The following SIPA1L1 variants were observed in gnomAD, a reference collection of about 807,000 sequenced individuals.
SIPA1L1 encodes signal-induced proliferation-associated 1-like protein 1.
SIPA1L1 carries 26 observed loss-of-function variants against 162.7 expected under a neutral mutation model. That is an observed-to-expected ratio of 0.16 (90% confidence interval 0.12 to 0.22). SIPA1L1 has a LOEUF of 0.22. SIPA1L1 is among the 10% of genes least tolerant of loss of function. The pLI, the probability that SIPA1L1 is intolerant of heterozygous loss-of-function variation, is 1.00. For missense variants in SIPA1L1, 1,874 were observed against 2,241.0 expected, an observed-to-expected ratio of 0.84 and a Z score of 3.31; for synonymous variants, 829 against 837.4, an observed-to-expected ratio of 0.99 and a Z score of 0.17.
chr14:71,594,064 TCTCCTCCTC>T (rs948104805), intron 5 of SIPA1L1, among the ~76,000 whole-genome samples: 1 of 152,158 alleles, frequency 6.6e-6, no homozygotes, highest in African/African-American at 2.4e-5. Flanking sequence ...TCACCTTCCT[TCTCCTCCTC>T]CTCCATTCCA....
chr14:71,553,931 G>A (rs1203904569), intron 4 of SIPA1L1, among the ~76,000 whole-genome samples: 1 of 152,018 alleles, frequency 6.6e-6, no homozygotes, highest in African/African-American at 2.4e-5. Flanking sequence ...TTCAGATTGT[G>A]GTTTGTGTTT....
chr14:71,590,073 A>G (rs1483736342), intron 5 of SIPA1L1, among the ~76,000 whole-genome samples: 3 of 139,898 alleles, frequency 2.1e-5, no homozygotes, highest in African/African-American at 7.7e-5. Context: ...ATATATATAT[A>G]TATGTACACA....
At chr14:71,532,984 AATCCTGGAAAC>A (rs2053579880) in intron 4 of SIPA1L1, among the ~76,000 whole-genome samples, 1 of 152,190 alleles carries the variant, frequency 6.6e-6, no homozygotes. Flanking sequence ...AGGCAGGGGA[AATCCTGGAAAC>A]ATATTGTATC....
At chr14:71,549,614 C>G (rs140643948) in intron 4 of SIPA1L1, among the ~76,000 whole-genome samples, 1 of 152,246 alleles carries the variant, frequency 6.6e-6, no homozygotes, top group Admixed American at 6.5e-5. Flanking sequence ...ACACATTGTA[C>G]GAATCCCAGA....
chr14:71,411,466 T>G (rs2042398317), intron 2 of SIPA1L1, among the ~76,000 whole-genome samples: 1 of 152,228 alleles, frequency 6.6e-6, no homozygotes, highest in African/African-American at 2.4e-5. Context: ...AGCTCTTAAC[T>G]GGGGCTGCCT....
At chr14:71,479,336 G>GGTAGGTAGGTAT (rs145070704) in intron 2 of SIPA1L1, among the ~76,000 whole-genome samples, 6 of 148,218 alleles carry the variant, frequency 4.0e-5, no homozygotes, top group African/African-American at 1.5e-4. Context: ...TGTGTATGTA[G>GGTAGGTAGGTAT]GTATGTATGT....
At chr14:71,688,434 C>T (rs1049686809) in intron 13 of SIPA1L1, among the ~76,000 whole-genome samples, 11 of 152,142 alleles carry the variant, frequency 7.2e-5, no homozygotes, top group African/African-American at 2.7e-4. Context: ...ACTGTGACTC[C>T]AGGAATATTT....
intron 5 of SIPA1L1, among the ~76,000 whole-genome samples, chr14:71,617,943 A>G (rs1254438045): frequency 6.6e-6 from 1 of 152,242 alleles, no homozygotes; most frequent in Non-Finnish European, 1.5e-5. Flanking sequence ...AATTTTTAAA[A>G]GATGTATATG....
chr14:71,421,588 C>T (rs1201792205), intron 2 of SIPA1L1, among the ~76,000 whole-genome samples: 1 of 33,250 alleles, frequency 3.0e-5, no homozygotes, highest in African/African-American at 2.3e-4. Context: ...AGAGTGAGAC[C>T]TTATTCTTAA....
intron 2 of SIPA1L1, among the ~76,000 whole-genome samples, chr14:71,471,560 C>T (rs1416968443): frequency 1.3e-5 from 2 of 152,150 alleles, no homozygotes; most frequent in Non-Finnish European, 2.9e-5. Flanking sequence ...GGGTCCTTTC[C>T]CTCTAGATGC....
chr14:71,672,714 G>A (rs907342869), intron 12 of SIPA1L1, 92 bp downstream of exon 12: 1 of 1,357,156 alleles, frequency 7.4e-7, no homozygotes, highest in Non-Finnish European at 1.0e-6. Context: ...GGAGTAGGGT[G>A]TTGTGAAGAA....
intron 5 of SIPA1L1, among the ~76,000 whole-genome samples, chr14:71,599,417 G>A (rs2036461566): frequency 6.7e-6 from 1 of 149,204 alleles, no homozygotes; most frequent in Non-Finnish European, 1.5e-5. Flanking sequence ...CTCGCAAAGT[G>A]CTGAGATTAC....
chr14:71,389,742 A>T (rs1186369296), intron 2 of SIPA1L1, among the ~76,000 whole-genome samples: 1 of 152,166 alleles, frequency 6.6e-6, no homozygotes, highest in Non-Finnish European at 1.5e-5. Context: ...TAATGTAGGT[A>T]ATGGGTCTTT....
intron 5 of SIPA1L1, chr14:71,598,321 A>C: frequency 1.5e-6 from 1 of 658,008 alleles, no homozygotes; most frequent in Non-Finnish European, 1.9e-6. Context: ...CAGGATTTGC[A>C]TGATCTCCAG....
intron 4 of SIPA1L1, among the ~76,000 whole-genome samples, chr14:71,567,409 A>G (rs2030895394): frequency 6.6e-6 from 1 of 152,218 alleles, no homozygotes; most frequent in South Asian, 2.1e-4. Flanking sequence ...AGCCGTTTAT[A>G]AAGGATCTAT....
At chr14:71,469,754 G>C (rs891893419) in intron 2 of SIPA1L1, among the ~76,000 whole-genome samples, 2 of 152,230 alleles carry the variant, frequency 1.3e-5, no homozygotes, top group Non-Finnish European at 2.9e-5. Flanking sequence ...TGTTTATGAG[G>C]AGTAAAGTGA....
rs116964585 is a variant in SIPA1L1 at position 71,484,075 on chromosome 14, G to A, written c.-464-28668G>A. On this transcript the variant is annotated intron_variant, in intron 2 of 23. Transcript: ENST00000381232. Reference sequence around the variant, plus strand: ...ATTATTTGTGTTCCTCTAGCCTGCTGCAGAAACGGACACATATAATAGACA... The same window carrying A: ...ATTATTTGTGTTCCTCTAGCCTGCTACAGAAACGGACACATATAATAGACA... 1.2e-4 allele frequency among the ~76,000 whole-genome samples: 18 copies of A among 152,268 alleles called. No homozygotes were observed. In the East Asian group the frequency reaches 2.5e-3, roughly 21 times the overall value.
intron 2 of SIPA1L1, among the ~76,000 whole-genome samples, chr14:71,403,432 T>C (rs994175413): frequency 2.6e-5 from 4 of 151,954 alleles, no homozygotes; most frequent in Admixed American, 6.6e-5. Context: ...ACCCCGTCTC[T>C]ACTAAAAATA....
intron 22 of SIPA1L1, 68 bp from the exon 23 acceptor site, chr14:71,738,173 A>T: frequency 1.3e-6 from 1 of 767,774 alleles, no homozygotes; most frequent in Non-Finnish European, 2.0e-6. Flanking sequence ...AAAAAAAAAA[A>T]AAAAAAAAAA....
Sources: gnomAD v4.1 joint callset for allele counts (sites outside exome capture counted in the v4.1 genomes callset) on GRCh38, gnomAD v4.1.1 for gene constraint, MANE v1.5 for transcripts, NCBI Gene and HGNC (gene_info 2026-07-23, HGNC 2026-07-21) for gene names.